Variants in TMEM132D observed in about 807,000 individuals in gnomAD.
The protein encoded by TMEM132D is transmembrane protein 132D.
A neutral mutation model predicts 62.3 loss-of-function variants in TMEM132D; 21 were observed. The observed-to-expected ratio is 0.34, with a 90% CI of 0.24 to 0.49. TMEM132D has a LOEUF of 0.49. Ranked by LOEUF, TMEM132D falls within the 20% of genes least tolerant of loss-of-function variation. The probability of loss-of-function intolerance (pLI) is 0.99; values close to 1 mark genes in which losing one functional copy is unlikely to be tolerated. For synonymous variants in TMEM132D, 621 were observed against 575.6 expected, an observed-to-expected ratio of 1.08 and a Z score of -1.13; for missense variants, 1,346 against 1,402.8, an observed-to-expected ratio of 0.96 and a Z score of 0.65.
rs182794317 is a variant in TMEM132D at position 129,473,941 on chromosome 12, T to C, written c.1115+57118A>G. Among the ~76,000 whole-genome samples the C allele has an allele frequency of 2.0e-5, 3 of 152,316 alleles. No homozygotes were observed. The East Asian group carries it at 5.8e-4, about 29-fold the overall frequency. ...TACACATTTTTGGAAACCACATTCT[T>C]GTATAACCAACAAACCAGGCATCTA... is the stretch of plus-strand genomic sequence containing the variant. On this transcript the variant is annotated intron_variant, in intron 3 of 8. Coordinates refer to ENST00000422113, the MANE Select transcript of TMEM132D (RefSeq NM_133448.3).
chr12:129,332,345 T>C (rs1413898831), intron 4 of TMEM132D, among the ~76,000 whole-genome samples: 2 of 152,272 alleles, frequency 1.3e-5, no homozygotes, highest in Admixed American at 6.5e-5. Flanking sequence ...AGGCAAACTA[T>C]TGAAGAAGAC....
intron 1 of TMEM132D, among the ~76,000 whole-genome samples, chr12:129,798,988 G>A (rs920790377): frequency 9.2e-5 from 14 of 152,292 alleles, no homozygotes; most frequent in Non-Finnish European, 1.5e-4. Flanking sequence ...GATGTCGGCC[G>A]GACGCAGTGG....
chr12:129,570,672 C>T (rs1877487288), intron 2 of TMEM132D, among the ~76,000 whole-genome samples: 1 of 152,210 alleles, frequency 6.6e-6, no homozygotes, highest in Non-Finnish European at 1.5e-5. Context: ...TGGTTAAAGA[C>T]TGCACCCAGA....
At chr12:129,822,500 A>T (rs940577433) in intron 1 of TMEM132D, among the ~76,000 whole-genome samples, 1 of 152,206 alleles carries the variant, frequency 6.6e-6, no homozygotes, top group African/African-American at 2.4e-5. Context: ...CAACACCTAC[A>T]GTGTCCCCTA....
intron 1 of TMEM132D, among the ~76,000 whole-genome samples, chr12:129,754,777 C>T (rs1254157842): frequency 1.3e-5 from 2 of 152,102 alleles, no homozygotes; most frequent in African/African-American, 2.4e-5. Context: ...AAAGAGACAG[C>T]GATTTTGCCT....
chr12:129,450,156 G>A (rs1873229595), intron 3 of TMEM132D, among the ~76,000 whole-genome samples: 1 of 152,088 alleles, frequency 6.6e-6, no homozygotes, highest in African/African-American at 2.4e-5. Context: ...CATTCTGTAG[G>A]TTGTCTGTTT....
chr12:129,089,375 GA>G (rs370795800), intron 5 of TMEM132D, among the ~76,000 whole-genome samples: 2 of 51,526 alleles, frequency 3.9e-5, no homozygotes, highest in Admixed American at 2.1e-4. Flanking sequence ...CTATGACCGG[GA>G]TGTCCTCCAT....
Position 129,460,557 on chromosome 12 carries a change from G to A in TMEM132D, c.1115+70502C>T, listed in dbSNP as rs145103509. Among the ~76,000 whole-genome samples the A allele has an allele frequency of 2.4e-3, 367 of 152,276 alleles. 3 individuals are homozygous for A. Among genetic ancestry groups the A allele is most frequent in the African/African-American group, 8.1e-3 (337 of 41,560 alleles). On this transcript the variant is annotated intron_variant, in intron 3 of 8. Coordinates refer to ENST00000422113, the MANE Select transcript of TMEM132D (RefSeq NM_133448.3). ...TGAGATGGCATCATAATTAGCACAT[G>A]TGGCATGAGACTGCAGTAGATTAAA...
chr12:129,770,795 G>T (rs921515), intron 1 of TMEM132D, among the ~76,000 whole-genome samples: 147,724 of 152,326 alleles, frequency 0.97, 71,785 homozygotes, highest in Middle Eastern at 1. Flanking sequence ...TGAAATGTAT[G>T]GGATACTGTA....
chr12:129,662,812 A>AAG (rs11465137), intron 2 of TMEM132D, among the ~76,000 whole-genome samples: 74 of 83,406 alleles, frequency 8.9e-4, no homozygotes, highest in Admixed American at 2.5e-3. Context: ...AAAAAAAAAA[A>AAG]AGAGAGAGAG....
At chr12:129,900,887 T>C (rs1875330176) in intron 1 of TMEM132D, among the ~76,000 whole-genome samples, 1 of 152,162 alleles carries the variant, frequency 6.6e-6, no homozygotes, top group African/African-American at 2.4e-5. Flanking sequence ...CCCAGGGGCA[T>C]AGAAATACAA....
intron 3 of TMEM132D, among the ~76,000 whole-genome samples, chr12:129,406,777 T>C (rs1361455587): frequency 6.6e-6 from 1 of 152,216 alleles, no homozygotes; most frequent in East Asian, 1.9e-4. Context: ...CCAGTGTGGA[T>C]GGCAGCCCTG....
chr12:129,617,764 A>G (rs577993138), intron 2 of TMEM132D, among the ~76,000 whole-genome samples: 1 of 152,208 alleles, frequency 6.6e-6, no homozygotes, highest in South Asian at 2.1e-4. Flanking sequence ...CATCTCTCTG[A>G]TGCCTCTTTT....
Position 129,624,117 on chromosome 12 carries a change from A to G in TMEM132D, c.968+75693T>C, listed in dbSNP as rs1019363685. Among the ~76,000 whole-genome samples the G allele has an allele frequency of 2.6e-5, 4 of 152,278 alleles. 1 individual carries two copies. In the South Asian group the frequency reaches 6.2e-4, roughly 24 times the overall value. ...TTTATCTTGTGTTGCTGGGAAAACT[A>G]TAGAGCAGAGACTACATAAGTCTCT... is the stretch of plus-strand genomic sequence containing the variant. On this transcript the variant is annotated intron_variant, in intron 2 of 8. Transcript: ENST00000422113.
chr12:129,895,606 G>A (rs1403465406), intron 1 of TMEM132D, among the ~76,000 whole-genome samples: 1 of 152,162 alleles, frequency 6.6e-6, no homozygotes, highest in African/African-American at 2.4e-5. Context: ...GCCATGCTCG[G>A]GCATGCTGCC....
chr12:129,086,132 C>T (rs1593254832), intron 5 of TMEM132D: 1 of 152,174 alleles, frequency 6.6e-6, no homozygotes, highest in Non-Finnish European at 1.5e-5. Flanking sequence ...ATGTTTTGAT[C>T]TACATGTGTA....
chr12:129,176,307 T>C (rs1352065909), intron 5 of TMEM132D, among the ~76,000 whole-genome samples: 1 of 152,212 alleles, frequency 6.6e-6, no homozygotes, highest in Non-Finnish European at 1.5e-5. Flanking sequence ...CCCCCAAGCT[T>C]ATGTAAGCAA....
At chr12:129,484,472 C>T (rs993037444) in intron 3 of TMEM132D, among the ~76,000 whole-genome samples, 2 of 152,198 alleles carry the variant, frequency 1.3e-5, no homozygotes, top group African/African-American at 2.4e-5. Flanking sequence ...AATATCATCT[C>T]GTGCTCTAGA....
intron 3 of TMEM132D, among the ~76,000 whole-genome samples, chr12:129,341,178 T>G (rs1312674803): frequency 6.6e-6 from 1 of 152,238 alleles, no homozygotes; most frequent in Non-Finnish European, 1.5e-5. Flanking sequence ...AGACAAGGAC[T>G]GTGCCTTTGC....
Sources: gnomAD v4.1 joint callset for allele counts (sites outside exome capture counted in the v4.1 genomes callset) on GRCh38, gnomAD v4.1.1 for gene constraint, MANE v1.5 for transcripts, NCBI Gene and HGNC (gene_info 2026-07-23, HGNC 2026-07-21) for gene names.